SEC31A: variants seen among roughly 807,000 people sequenced by gnomAD.
SEC31A encodes the protein SEC31 homolog A, COPII component, also known as protein transport protein Sec31A.
A neutral mutation model predicts 151.0 loss-of-function variants in SEC31A; 70 were observed. That is an observed-to-expected ratio of 0.46 (90% CI 0.38 to 0.57). SEC31A has a LOEUF of 0.57. Ranked by LOEUF, SEC31A falls within the 20% of genes least tolerant of loss-of-function variation. The pLI, the probability that SEC31A is intolerant of heterozygous loss-of-function variation, is 0.00. For missense variants in SEC31A, 1,330 were observed against 1,471.2 expected, an observed-to-expected ratio of 0.90 and a Z score of 1.57; for synonymous variants, 475 against 505.9, an observed-to-expected ratio of 0.94 and a Z score of 0.82.
Position 82,842,338 on chromosome 4 carries a change from G to C in SEC31A, c.2770C>G (p.Gln924Glu), listed in dbSNP as rs764662174. 1.9e-6 allele frequency: 3 copies of C among 1,613,622 alleles called. No individual in the cohort carries two copies. Among genetic ancestry groups the C allele is most frequent in the African/African-American group, 2.7e-5 (2 of 74,924 alleles). ...GCCTGGTGCTGTGCTGCGTACAGCT[G>C]AGACTGCCCAGTATAGGAAGAAGCA... ...SSASSYTGQS[Q>E]LYAAQHQASS... The change falls in exon 22 of 27, where the codon CAG (glutamine) becomes GAG (glutamate). Residue 924 changes from glutamine (Q) to glutamate (E), a missense_variant. Coordinates refer to ENST00000395310, the MANE Select transcript of SEC31A (RefSeq NM_001077207.4).
intron 24 of SEC31A, among the ~76,000 whole-genome samples, chr4:82,825,830 G>A (rs1724430275): frequency 6.6e-6 from 1 of 152,150 alleles, no homozygotes; most frequent in African/African-American, 2.4e-5. Flanking sequence ...GAGAAGAAAG[G>A]ATTCAAAAAA....
intron 14 of SEC31A, among the ~76,000 whole-genome samples, chr4:82,859,201 T>A (rs897159259): frequency 1.3e-5 from 2 of 152,168 alleles, no homozygotes; most frequent in Non-Finnish European, 2.9e-5. Context: ...ACACTTAAAT[T>A]CAAGTATACA....
At chr4:82,881,807 A>C (rs779452729) in intron 2 of SEC31A, 51 bp downstream of exon 2, 1 of 1,367,834 alleles carries the variant, frequency 7.3e-7, no homozygotes. Context: ...AGCTAGGTGC[A>C]GAAGAGAAGA....
intron 22 of SEC31A, among the ~76,000 whole-genome samples, chr4:82,836,372 C>CA (rs70943158): frequency 0.37 from 22,737 of 61,562 alleles, 3,573 homozygotes; most frequent in East Asian, 0.54. Flanking sequence ...GACTCCATCT[C>CA]AAAAAAAAAA....
intron 4 of SEC31A, among the ~76,000 whole-genome samples, chr4:82,876,107 CTTTTTTT>C (rs200156848): frequency 4.7e-5 from 6 of 127,200 alleles, no homozygotes; most frequent in African/African-American, 8.5e-5. Context: ...TGGATAAATT[CTTTTTTT>C]TTTTTTTTTT....
chr4:82,866,205 T>C (rs1337048337), intron 10 of SEC31A, among the ~76,000 whole-genome samples: 1 of 151,990 alleles, frequency 6.6e-6, no homozygotes, highest in Non-Finnish European at 1.5e-5. Flanking sequence ...GTGCAGTGAC[T>C]CATGCCTGTA....
At chr4:82,843,477 C>T (rs1423061620) in intron 21 of SEC31A, among the ~76,000 whole-genome samples, 1 of 152,114 alleles carries the variant, frequency 6.6e-6, no homozygotes, top group African/African-American at 2.4e-5. Flanking sequence ...CATTCACATT[C>T]TTTGTGACCA....
At chr4:82,894,041 G>A (rs7682315), upstream of SEC31A, 3 of 152,224 alleles carry the variant, frequency 2.0e-5, no homozygotes, top group Admixed American at 2.0e-4. Flanking sequence ...TGAGAGGGAT[G>A]AGCAGGAACA....
intron 1 of SEC31A, among the ~76,000 whole-genome samples, chr4:82,883,241 A>G (rs927711428): frequency 6.6e-6 from 1 of 152,248 alleles, no homozygotes; most frequent in African/African-American, 2.4e-5. Context: ...AAGATGTACC[A>G]TAATTACCTA....
intron 1 of SEC31A, 73 bp downstream of exon 1, chr4:82,891,015 C>A: frequency 6.6e-7 from 1 of 1,525,640 alleles, no homozygotes; most frequent in Non-Finnish European, 8.8e-7. Flanking sequence ...GGCTGCGGTC[C>A]CAGTTTTGGC....
chr4:82,819,843 C>A (rs1019593602), intron 26 of SEC31A, among the ~76,000 whole-genome samples: 3 of 151,908 alleles, frequency 2.0e-5, no homozygotes, highest in African/African-American at 7.3e-5. Context: ...CTCACTGCAA[C>A]CTCCGCCTCC....
rs761527824 is a variant in SEC31A at position 82,824,580 on chromosome 4, C to T, written c.3386G>A (p.Arg1129His). 9.9e-6 allele frequency: 16 copies of T among 1,613,442 alleles called. No homozygotes were observed. The highest frequency in any genetic ancestry group is 4.0e-5 in the African/African-American group (3 of 74,876). ...LKTTFEDLIQ[R>H]CLSSATDPQT... ...AGGGTCTGTTGCTGAAGAAAGGCAG[C>T]GCTGAATAAGATCCTCAAATGTGGT... Residue 1129 changes from arginine (R) to histidine (H), a missense_variant, in exon 25 of 27, where the codon CGC (arginine) becomes CAC (histidine). Arg to His is a conservative substitution (Grantham distance 29, BLOSUM62 0). Transcript: ENST00000395310.
At chr4:82,821,310 A>T in intron 25 of SEC31A, 1 of 490,724 alleles carries the variant, frequency 2.0e-6, no homozygotes, top group Non-Finnish European at 3.6e-6. Flanking sequence ...GCACTTTGGG[A>T]GACCAAGGCA....
chr4:82,872,035 G>C lies in SEC31A; in HGVS notation c.691C>G (p.Leu231Val), dbSNP rs766053874. 5 of 1,614,048 alleles carry C rather than the reference G, an allele frequency of 3.1e-6. No homozygotes were observed. In the South Asian group the frequency reaches 5.5e-5, roughly 18 times the overall value. Residue 231 changes from leucine (L) to valine (V), a missense_variant, in exon 7 of 27, where the codon CTT (leucine) becomes GTT (valine). By Grantham distance (32) the Leu-to-Val change is conservative. Coordinates refer to ENST00000395310, the MANE Select transcript of SEC31A (RefSeq NM_001077207.4). ...WHPDVATQMV[L>V]ASEDDRLPVI... is the part of the protein sequence containing the mutation. ...GGTAACCGGTCATCCTCGGAGGCAA[G>C]GACCATCTGAGTAGCAACATCAGGA...
At chr4:82,875,969 T>A in intron 4 of SEC31A, 147 bp from the exon 5 acceptor site, 1 of 440,980 alleles carries the variant, frequency 2.3e-6, no homozygotes, top group South Asian at 6.4e-5. Flanking sequence ...CATGAATTTC[T>A]AAATTATGCA....
chr4:82,895,379 A>AT (rs943250380), upstream of SEC31A: 1 of 152,260 alleles, frequency 6.6e-6, no homozygotes, highest in African/African-American at 2.4e-5. Context: ...CTGGGCCACA[A>AT]TAACTATTTG....
Position 82,863,307 on chromosome 4 carries a change from C to G in SEC31A, c.1509+11G>C, listed in dbSNP as rs1734587042. ...TAAAGAGCATGCCATCTAACTTTCC[C>G]AAAAGTTTACCTTCTTTCCTAGATC... On this transcript the variant is annotated intron_variant, in intron 12 of 26. Coordinates refer to ENST00000395310, the MANE Select transcript of SEC31A (RefSeq NM_001077207.4). 6.5e-7 allele frequency: 1 copy of G among 1,529,998 alleles called. No individual in the cohort carries two copies. The highest frequency in any genetic ancestry group is 8.9e-7 in the Non-Finnish European group (1 of 1,123,108). 94.8% of individuals were successfully genotyped at this position (1,529,998 alleles called of 1,614,324 possible). A position where few individuals can be genotyped will look rare whatever the true frequency, so the allele number is the denominator to read the frequency against.
chr4:82,854,235 T>C (rs1399838222), intron 17 of SEC31A, among the ~76,000 whole-genome samples: 2 of 152,068 alleles, frequency 1.3e-5, no homozygotes, highest in Non-Finnish European at 2.9e-5. Context: ...TGGTGGTGCA[T>C]GCCTATAATC....
chr4:82,836,214 A>C (rs2149130781), intron 22 of SEC31A, among the ~76,000 whole-genome samples: 1 of 152,022 alleles, frequency 6.6e-6, no homozygotes, highest in African/African-American at 2.4e-5. Context: ...CTCTACTAAA[A>C]ATACAAAAAT....
Sources: gnomAD v4.1 joint callset for allele counts (sites outside exome capture counted in the v4.1 genomes callset) on GRCh38, gnomAD v4.1.1 for gene constraint, MANE v1.5 for transcripts, NCBI Gene and HGNC (gene_info 2026-07-23, HGNC 2026-07-21) for gene names.